RAPH1: variants seen among roughly 807,000 people sequenced by gnomAD.
The protein encoded by RAPH1 is Ras association (RalGDS/AF-6) and pleckstrin homology domains 1, also known as ras-associated and pleckstrin homology domains-containing protein 1.
A neutral mutation model predicts 88.1 loss-of-function variants in RAPH1; 18 were observed. The ratio of observed to expected loss-of-function variants is 0.20; its 90% CI spans 0.14 to 0.30. RAPH1 has a LOEUF of 0.30. Ranked by LOEUF, RAPH1 falls within the 10% of genes least tolerant of loss-of-function variation. The pLI is 1.00. For synonymous variants in RAPH1, 587 were observed against 559.0 expected (o/e 1.05, Z -0.71); for missense variants, 1,448 against 1,543.2 (o/e 0.94, Z 1.03).
chr2:203,454,610 T>C, intron 9 of RAPH1, 70 bp from the exon 10 acceptor site: 1 of 1,138,084 alleles, frequency 8.8e-7, no homozygotes, highest in African/African-American at 1.5e-5. Context: ...CTGGTTAACA[T>C]TTTCTAGGTG....
intron 4 of RAPH1, among the ~76,000 whole-genome samples, chr2:203,475,145 T>G (rs1051081660): frequency 6.6e-6 from 1 of 152,156 alleles, no homozygotes; most frequent in Non-Finnish European, 1.5e-5. Context: ...CAGTGACTCA[T>G]GCCTGTAATC....
At chr2:203,454,397 A>G in intron 10 of RAPH1, 33 bp downstream of exon 10, 1 of 1,405,172 alleles carries the variant, frequency 7.1e-7, no homozygotes, top group Non-Finnish European at 1.0e-6. Flanking sequence ...GTCTAACATC[A>G]ATTAAAATTC....
chr2:203,468,654 G>A (rs961868033), intron 4 of RAPH1, among the ~76,000 whole-genome samples: 3 of 152,100 alleles, frequency 2.0e-5, no homozygotes, highest in African/African-American at 7.2e-5. Context: ...TGAGGAACAG[G>A]TATATTTTAT....
At chr2:203,473,074 G>A (rs1034433665) in intron 4 of RAPH1, among the ~76,000 whole-genome samples, 4 of 152,128 alleles carry the variant, frequency 2.6e-5, no homozygotes, top group Non-Finnish European at 4.4e-5. Context: ...GGATGGTTAC[G>A]TAGCTATTCA....
At chr2:203,526,174 G>A (rs1041230195) in intron 1 of RAPH1, among the ~76,000 whole-genome samples, 4 of 151,980 alleles carry the variant, frequency 2.6e-5, no homozygotes, top group Admixed American at 2.6e-4. Context: ...CTATAATTTC[G>A]ACTGTATTGA....
intron 1 of RAPH1, among the ~76,000 whole-genome samples, chr2:203,499,492 C>A (rs749121500): frequency 6.6e-6 from 1 of 151,774 alleles, no homozygotes; most frequent in South Asian, 2.1e-4. Flanking sequence ...GAGGCCAAGG[C>A]GGATGGATCA....
At chr2:203,515,515 G>T (rs1559500400) in intron 1 of RAPH1, among the ~76,000 whole-genome samples, 1 of 152,174 alleles carries the variant, frequency 6.6e-6, no homozygotes, top group African/African-American at 2.4e-5. Context: ...GGCTAAGCTG[G>T]TGTCTTTTAT....
rs750116147 is a variant in RAPH1, at chr2:203,444,857, G to A, written c.1776+11C>T. The A allele has an allele frequency of 1.7e-5, 28 of 1,610,922 alleles. No individual in the cohort carries two copies. The highest frequency in any genetic ancestry group is 1.6e-4 in the Middle Eastern group (1 of 6,070). On this transcript the variant is annotated intron_variant, in intron 13 of 13. Coordinates refer to ENST00000319170, the MANE Select transcript of RAPH1 (RefSeq NM_213589.3). The stretch of plus-strand genomic sequence containing the variant: ...CAGAATTTTCAATGTAAATTAAAAC[G>A]AAGCTGTTACCTTGCTGGACTCTTC...
intron 1 of RAPH1, among the ~76,000 whole-genome samples, chr2:203,503,162 A>G (rs1688816055): frequency 6.6e-6 from 1 of 152,118 alleles, no homozygotes; most frequent in Admixed American, 6.6e-5. Flanking sequence ...ACAAACAAAC[A>G]AACAAAAAAA....
intron 13 of RAPH1, chr2:203,442,062 A>G (rs779522307): frequency 6.3e-7 from 1 of 1,596,754 alleles, no homozygotes; most frequent in South Asian, 1.2e-5. Flanking sequence ...AAGGGGGGAC[A>G]TTCTTTACAT....
In RAPH1 at chr2:203,441,370, G is replaced by A. The variant is rs541342499; in HGVS notation, c.1820C>T (p.Pro607Leu). The stretch of plus-strand genomic sequence containing the variant: ...TATCTTAGGTTGCGGGGATAAAGGG[G>A]GCACAAGTGAAGTGTAGGGCCGATT... ...SMNRPYTSLV[P>L]PLSPQPKIVT... is the part of the protein sequence containing the mutation. Residue 607 changes from proline (P) to leucine (L), a missense_variant, in exon 14 of 14, where the codon CCC becomes CTC. Around this residue, in one of 2 missense-constraint regions of RAPH1, gnomAD observed 935 missense variants for 890.1 expected, o/e 1.05. Transcript: ENST00000319170. The A allele has an allele frequency of 7.5e-5, 118 of 1,575,194 alleles. No individual in the cohort carries two copies. Among genetic ancestry groups the A allele is most frequent in the Non-Finnish European group, 8.9e-5 (103 of 1,162,128 alleles).
intron 1 of RAPH1, among the ~76,000 whole-genome samples, chr2:203,513,280 T>A (rs1689438854): frequency 1.3e-5 from 2 of 151,756 alleles, no homozygotes; most frequent in Admixed American, 1.3e-4. Flanking sequence ...TCTATTTTTG[T>A]CTGAATTTCT....
At chr2:203,517,046 A>T (rs67086038) in intron 1 of RAPH1, among the ~76,000 whole-genome samples, 15,216 of 149,612 alleles carry the variant, frequency 0.1, 1,516 homozygotes, top group African/African-American at 0.26. Context: ...AAAAAAAAAA[A>T]ATAAAGAAAG....
chr2:203,507,373 G>C (rs1184192508), intron 1 of RAPH1, among the ~76,000 whole-genome samples: 2 of 152,122 alleles, frequency 1.3e-5, no homozygotes, highest in East Asian at 1.9e-4. Context: ...AAGTTGCTAA[G>C]TTTTAAAAAA....
intron 1 of RAPH1, among the ~76,000 whole-genome samples, chr2:203,522,546 G>A (rs1294835982): frequency 1.3e-5 from 2 of 152,078 alleles, no homozygotes; most frequent in Non-Finnish European, 2.9e-5. Context: ...TTTTTTTACA[G>A]AAACTGACAA....
In RAPH1 at chr2:203,502,157, T is replaced by C. The variant is rs143811094; in HGVS notation, c.1-6804A>G. Among the ~76,000 whole-genome samples the C allele has an allele frequency of 7.2e-4, 110 of 152,294 alleles. No homozygotes were observed. The East Asian group carries it at 0.015, about 21-fold the overall frequency. On this transcript the variant is annotated intron_variant, in intron 1 of 13. Coordinates refer to ENST00000319170, the MANE Select transcript of RAPH1 (RefSeq NM_213589.3). ...CTGAATTAACTAGCTACCAGGGAAC[T>C]TGCATGGATGGCCTGGTCCTCAGAG...
intron 4 of RAPH1, among the ~76,000 whole-genome samples, chr2:203,486,464 G>A (rs1026327243): frequency 6.6e-6 from 1 of 152,120 alleles, no homozygotes; most frequent in Admixed American, 6.5e-5. Flanking sequence ...ATCTTCTGGA[G>A]TAGAGTGAGA....
chr2:203,513,104 A>G (rs751647605), intron 1 of RAPH1, among the ~76,000 whole-genome samples: 12 of 152,130 alleles, frequency 7.9e-5, no homozygotes, highest in Non-Finnish European at 1.3e-4. Flanking sequence ...TAAACAAGGA[A>G]TCAGGAGACT....
intron 1 of RAPH1, among the ~76,000 whole-genome samples, chr2:203,518,539 C>CAAAAAA (rs60376098): frequency 6.8e-6 from 1 of 146,644 alleles, no homozygotes; most frequent in Non-Finnish European, 1.5e-5. Context: ...AACAAAAAAA[C>CAAAAAA]AAAAAAAAAA....
Sources: allele counts gnomAD v4.1 joint callset (sites outside exome capture counted in the v4.1 genomes callset), GRCh38; gene constraint gnomAD v4.1.1; regional missense constraint gnomAD v4.1.1; transcripts MANE v1.5; gene names NCBI Gene and HGNC (gene_info 2026-07-23, HGNC 2026-07-21).